AGBL4: variants seen among roughly 807,000 people sequenced by gnomAD.
The protein encoded by AGBL4 is AGBL carboxypeptidase 4.
AGBL4 carries 58 observed loss-of-function variants against 66.4 expected under a neutral mutation model. That is an observed-to-expected ratio of 0.87 (90% CI 0.71 to 1.09). The LOEUF is 1.09. Among genes scored for constraint, AGBL4 ranks in the 50% least tolerant of loss-of-function variants. The pLI, the probability that AGBL4 is intolerant of heterozygous loss-of-function variation, is 0.00. For synonymous variants in AGBL4, 234 were observed against 222.9 expected (o/e 1.05, Z -0.44); for missense variants, 579 against 631.0 (o/e 0.92, Z 0.88).
intron 8 of AGBL4, among the ~76,000 whole-genome samples, chr1:48,640,277 C>T (rs938668514): frequency 1.3e-5 from 2 of 152,146 alleles, no homozygotes; most frequent in African/African-American, 4.8e-5. Context: ...TCTTAAGTAT[C>T]TTTTCTTTCT....
rs557359094 is a variant in AGBL4, at chr1:49,845,485, G to A, written c.157+5911C>T. ...CCAGCACCTGCGAATCCACACTGGG[G>A]AGAAACCCTATCAGTGTGGTGAGTG... On this transcript the variant is annotated intron_variant, in intron 2 of 13. Transcript: ENST00000371839. 4.2e-4 allele frequency: 661 copies of A among 1,574,242 alleles called. 2 individuals are homozygous for A. The Middle Eastern group carries it at 5.9e-3, about 14-fold the overall frequency.
chr1:49,566,151 T>C (rs531539094), intron 3 of AGBL4, among the ~76,000 whole-genome samples: 167 of 152,342 alleles, frequency 1.1e-3, no homozygotes, highest in African/African-American at 3.7e-3. Context: ...TTCAGCTCCA[T>C]CAGGTCCTTT....
intron 1 of AGBL4, among the ~76,000 whole-genome samples, chr1:49,962,439 C>T (rs1191580197): frequency 6.6e-6 from 1 of 152,044 alleles, no homozygotes; most frequent in Admixed American, 6.6e-5. Context: ...AAAATTGATT[C>T]TAATGGCATC....
chr1:49,037,731 A>G (rs147998719), intron 5 of AGBL4, among the ~76,000 whole-genome samples: 1 of 151,998 alleles, frequency 6.6e-6, no homozygotes, highest in East Asian at 1.9e-4. Flanking sequence ...TTACCTTTTT[A>G]TTCATTTTTA....
chr1:49,009,100 G>C (rs1181071762), intron 5 of AGBL4, among the ~76,000 whole-genome samples: 2 of 151,532 alleles, frequency 1.3e-5, no homozygotes, highest in African/African-American at 4.8e-5. Context: ...CTGGTTTTTT[G>C]AAAGGATCAA....
intron 4 of AGBL4, among the ~76,000 whole-genome samples, chr1:49,142,432 G>A (rs181152649): frequency 1.6e-4 from 25 of 152,304 alleles, no homozygotes; most frequent in Non-Finnish European, 3.5e-4. Flanking sequence ...CTAGCTGAGT[G>A]ACTTTGGATA....
At chr1:49,601,702 T>C (rs1644962856) in intron 3 of AGBL4, among the ~76,000 whole-genome samples, 2 of 152,070 alleles carry the variant, frequency 1.3e-5, no homozygotes, top group South Asian at 4.1e-4. Context: ...AAAAATTAAC[T>C]CAAGATGGAT....
At chr1:49,925,216 G>C (rs1237422940) in intron 1 of AGBL4, among the ~76,000 whole-genome samples, 1 of 152,166 alleles carries the variant, frequency 6.6e-6, no homozygotes, top group African/African-American at 2.4e-5. Flanking sequence ...GTGGGATAGG[G>C]CACCTGGCAG....
intron 1 of AGBL4, among the ~76,000 whole-genome samples, chr1:49,881,030 C>T (rs926737131): frequency 3.3e-5 from 5 of 152,132 alleles, no homozygotes; most frequent in African/African-American, 1.2e-4. Context: ...GCGCACAGTG[C>T]GCGCACCCAC....
intron 3 of AGBL4, among the ~76,000 whole-genome samples, chr1:49,476,134 C>G (rs1187936560): frequency 2.0e-5 from 3 of 151,270 alleles, no homozygotes; most frequent in African/African-American, 7.4e-5. Context: ...TCATTTATTT[C>G]AAAGAATTTT....
intron 3 of AGBL4, among the ~76,000 whole-genome samples, chr1:49,552,534 AG>A (rs2148840089): frequency 6.6e-6 from 1 of 152,274 alleles, no homozygotes; most frequent in South Asian, 2.1e-4. Flanking sequence ...ACTCAGTTCC[AG>A]GTAAGGTCGG....
chr1:48,950,616 C>A (rs530683742), intron 5 of AGBL4, among the ~76,000 whole-genome samples: 5 of 152,236 alleles, frequency 3.3e-5, no homozygotes, highest in Non-Finnish European at 7.4e-5. Flanking sequence ...GAATGCTATG[C>A]TGGAAATAAG....
chr1:49,883,126 T>C (rs1182482637), intron 1 of AGBL4, among the ~76,000 whole-genome samples: 1 of 152,206 alleles, frequency 6.6e-6, no homozygotes, highest in Non-Finnish European at 1.5e-5. Flanking sequence ...ATCATCATTT[T>C]AGAAAATCAT....
In AGBL4 at chr1:49,524,183, C is replaced by T. The variant is rs138908351; in HGVS notation, c.282+173130G>A. On this transcript the variant is annotated intron_variant, in intron 3 of 13. Transcript: ENST00000371839. ...GTTTGATATTCTAAGCACACACATTCATCTCCTTACTACTATGAATAATAA... is the reference window on the plus strand; with the variant it reads ...GTTTGATATTCTAAGCACACACATTTATCTCCTTACTACTATGAATAATAA... Among the ~76,000 whole-genome samples the T allele has an allele frequency of 1.4e-3, 215 of 152,232 alleles. 1 individual carries two copies. Among genetic ancestry groups the T allele is most frequent in the Middle Eastern group, 6.8e-3 (2 of 294 alleles).
In AGBL4 at chr1:49,767,132, G is replaced by A. The variant is rs79034786; in HGVS notation, c.158-69695C>T. ...ATAGTAGACAACTACACAACATTCT[G>A]CCAATCAACCAAAGAATATACATCC... On this transcript the variant is annotated intron_variant, in intron 2 of 13. Coordinates refer to ENST00000371839, the MANE Select transcript of AGBL4 (RefSeq NM_032785.4). 5.9e-3 allele frequency among the ~76,000 whole-genome samples: 904 copies of A among 152,056 alleles called. 9 individuals carry two copies. Among genetic ancestry groups the A allele is most frequent in the African/African-American group, 0.02 (840 of 41,494 alleles).
At chr1:49,039,876 T>C (rs1005180574) in intron 5 of AGBL4, among the ~76,000 whole-genome samples, 1 of 151,948 alleles carries the variant, frequency 6.6e-6, no homozygotes, top group Admixed American at 6.6e-5. Flanking sequence ...ACTTATTAGA[T>C]TGGCCAAAAT....
rs1570013906 is a variant in AGBL4 at position 48,616,117 on chromosome 1, T to A, written c.951+18376A>T. Among the ~76,000 whole-genome samples, 3 of 152,320 alleles carry A rather than the reference T, an allele frequency of 2.0e-5. No individual in the cohort carries two copies. In the East Asian group the frequency reaches 5.8e-4, roughly 29 times the overall value. On this transcript the variant is annotated intron_variant, in intron 9 of 13. Transcript: ENST00000371839. ...AGCATATGGATTTTGGAGGGGCACA[T>A]ACGTTCAAATCATAGCAGGGTACTT...
chr1:49,375,778 G>C (rs533082168), intron 3 of AGBL4, among the ~76,000 whole-genome samples: 400 of 152,186 alleles, frequency 2.6e-3, no homozygotes, highest in Non-Finnish European at 4.0e-3. Flanking sequence ...CTTCACAAAA[G>C]ATTCCATATA....
At chr1:49,603,906 C>T (rs138795574) in intron 3 of AGBL4, among the ~76,000 whole-genome samples, 293 of 146,004 alleles carry the variant, frequency 2.0e-3, no homozygotes, top group Non-Finnish European at 3.1e-3. Flanking sequence ...ATTTTTTCTA[C>T]AGGTGATTAG....
Sources: gnomAD v4.1 joint callset for allele counts (sites outside exome capture counted in the v4.1 genomes callset) on GRCh38, gnomAD v4.1.1 for gene constraint, MANE v1.5 for transcripts, NCBI Gene and HGNC (gene_info 2026-07-23, HGNC 2026-07-21) for gene names.